Variants in BRINP3 observed in about 807,000 individuals in gnomAD.
The protein encoded by BRINP3 is BMP/retinoic acid inducible neural specific 3.
A neutral mutation model predicts 71.0 loss-of-function variants in BRINP3; 19 were observed. That is an observed-to-expected ratio of 0.27 (90% CI 0.19 to 0.39). The LOEUF (loss-of-function observed/expected upper bound fraction) is 0.39, where lower values mean the gene tolerates loss of function less well. Ranked by LOEUF, BRINP3 falls within the 10% of genes least tolerant of loss-of-function variation. The pLI, the probability that BRINP3 is intolerant of heterozygous loss-of-function variation, is 1.00. For synonymous variants in BRINP3, 380 were observed against 337.7 expected (o/e 1.13, Z -1.37); for missense variants, 959 against 940.8 (o/e 1.02, Z -0.25).
intron 1 of BRINP3, among the ~76,000 whole-genome samples, chr1:190,469,166 G>T (rs1251988941): frequency 5.3e-5 from 8 of 150,722 alleles, no homozygotes; most frequent in Non-Finnish European, 1.0e-4. Flanking sequence ...CTAGTTGTTG[G>T]TACTAATCAT....
intron 2 of BRINP3, among the ~76,000 whole-genome samples, chr1:190,453,460 G>T (rs546683197): frequency 6.6e-6 from 1 of 151,260 alleles, no homozygotes; most frequent in Admixed American, 6.6e-5. Context: ...CTCGTGATCC[G>T]CCCGTCTCTG....
chr1:190,361,111 A>G (rs1294613041), intron 2 of BRINP3, among the ~76,000 whole-genome samples: 1 of 151,910 alleles, frequency 6.6e-6, no homozygotes, highest in African/African-American at 2.4e-5. Flanking sequence ...ATTTGACTCA[A>G]GCATAGATAC....
intron 2 of BRINP3, among the ~76,000 whole-genome samples, chr1:190,434,729 C>T (rs1204821420): frequency 6.6e-6 from 1 of 151,862 alleles, no homozygotes; most frequent in East Asian, 1.9e-4. Flanking sequence ...GTGTCAGTTC[C>T]TGGAATATGA....
intron 7 of BRINP3, among the ~76,000 whole-genome samples, chr1:190,147,756 A>G (rs897127005): frequency 3.3e-5 from 5 of 152,204 alleles, no homozygotes; most frequent in Non-Finnish European, 7.3e-5. Flanking sequence ...TTTTATAACC[A>G]TGTACTACTT....
intron 2 of BRINP3, among the ~76,000 whole-genome samples, chr1:190,397,197 T>C (rs1467904685): frequency 6.6e-6 from 1 of 151,990 alleles, no homozygotes; most frequent in East Asian, 1.9e-4. Context: ...ACTTAGCAAG[T>C]GGGGACTTCT....
chr1:190,363,164 G>A (rs1669260071), intron 2 of BRINP3, among the ~76,000 whole-genome samples: 1 of 152,118 alleles, frequency 6.6e-6, no homozygotes, highest in Admixed American at 6.6e-5. Flanking sequence ...AACTACGAGT[G>A]GCCCTGGAGG....
intron 1 of BRINP3, among the ~76,000 whole-genome samples, chr1:190,456,540 C>T (rs1233127724): frequency 6.6e-6 from 1 of 151,892 alleles, no homozygotes; most frequent in African/African-American, 2.4e-5. Context: ...GATTCAACTC[C>T]TAACTTTCAA....
At chr1:190,343,694 G>A (rs1438549678) in intron 2 of BRINP3, among the ~76,000 whole-genome samples, 1 of 151,508 alleles carries the variant, frequency 6.6e-6, no homozygotes, top group Non-Finnish European at 1.5e-5. Context: ...TGGTAACATA[G>A]ACCAGGGAGA....
intron 2 of BRINP3, among the ~76,000 whole-genome samples, chr1:190,313,321 C>T (rs151094096): frequency 8.6e-5 from 13 of 151,592 alleles, no homozygotes; most frequent in African/African-American, 2.7e-4. Context: ...TAATAGGAAA[C>T]ATGTAAGTTA....
intron 2 of BRINP3, among the ~76,000 whole-genome samples, chr1:190,405,170 G>T (rs1672179366): frequency 6.6e-6 from 1 of 151,992 alleles, no homozygotes; most frequent in Non-Finnish European, 1.5e-5. Flanking sequence ...TCAGAAACGT[G>T]GCCGGGCACA....
At chr1:190,147,093 T>A (rs1447126430) in intron 7 of BRINP3, among the ~76,000 whole-genome samples, 2 of 152,092 alleles carry the variant, frequency 1.3e-5, no homozygotes, top group Non-Finnish European at 2.9e-5. Context: ...GCTATTCATT[T>A]TTATTTATTC....
chr1:190,122,512 C>A (rs993472692), intron 7 of BRINP3, among the ~76,000 whole-genome samples: 1 of 146,774 alleles, frequency 6.8e-6, no homozygotes, highest in African/African-American at 2.5e-5. Flanking sequence ...CAGCTACAAG[C>A]CAAGGAACAC....
At chr1:190,344,218 T>C (rs1254883254) in intron 2 of BRINP3, among the ~76,000 whole-genome samples, 3 of 151,836 alleles carry the variant, frequency 2.0e-5, no homozygotes. Flanking sequence ...GACCTTTATA[T>C]GCTAGGAACT....
intron 2 of BRINP3, among the ~76,000 whole-genome samples, chr1:190,306,823 G>A (rs1329816957): frequency 6.6e-6 from 1 of 151,912 alleles, no homozygotes; most frequent in Non-Finnish European, 1.5e-5. Context: ...GGTAGATGGA[G>A]TAATTCTTAT....
intron 2 of BRINP3, among the ~76,000 whole-genome samples, chr1:190,380,713 T>G (rs1670493270): frequency 6.6e-6 from 1 of 152,004 alleles, no homozygotes; most frequent in Non-Finnish European, 1.5e-5. Context: ...ACAGGCAGAG[T>G]ATACTTCAGG....
chr1:190,115,564 A>G (rs1374131872), intron 7 of BRINP3, among the ~76,000 whole-genome samples: 1 of 152,180 alleles, frequency 6.6e-6, no homozygotes, highest in African/African-American at 2.4e-5. Context: ...AATGTGAAAA[A>G]GAAATGTCCA....
At chr1:190,369,757 A>T (rs1669740769) in intron 2 of BRINP3, among the ~76,000 whole-genome samples, 1 of 152,124 alleles carries the variant, frequency 6.6e-6, no homozygotes, top group Admixed American at 6.6e-5. Context: ...TTTTATAACG[A>T]CTATGAACTT....
chr1:190,464,330 C>T (rs965766292), intron 1 of BRINP3, among the ~76,000 whole-genome samples: 4 of 151,630 alleles, frequency 2.6e-5, no homozygotes, highest in Non-Finnish European at 5.9e-5. Context: ...TTAATAACTA[C>T]CTTAAATTTT....
At chr1:190,272,793 C>A (rs988941677) in intron 3 of BRINP3, among the ~76,000 whole-genome samples, 3 of 151,242 alleles carry the variant, frequency 2.0e-5, no homozygotes, top group Admixed American at 1.3e-4. Context: ...AATTTTAATC[C>A]ATGTATACAA....
Sources: gnomAD v4.1 joint callset for allele counts (sites outside exome capture counted in the v4.1 genomes callset) on GRCh38, gnomAD v4.1.1 for gene constraint, MANE v1.5 for transcripts, NCBI Gene and HGNC (gene_info 2026-07-23, HGNC 2026-07-21) for gene names.